The following PLXDC2 variants were observed in gnomAD, a reference collection of about 807,000 sequenced individuals.
PLXDC2 encodes the protein plexin domain containing 2.
Under a neutral mutation model 68.9 loss-of-function variants are expected in PLXDC2, and 40 were observed. That is an observed-to-expected ratio of 0.58 (90% confidence interval 0.45 to 0.76). PLXDC2 has a LOEUF of 0.76. PLXDC2 is among the 30% of genes least tolerant of loss of function. The pLI is 0.00. For missense variants in PLXDC2, 644 were observed against 661.9 expected, an observed-to-expected ratio of 0.97 and a Z score of 0.30; for synonymous variants, 243 against 234.2, an observed-to-expected ratio of 1.04 and a Z score of -0.34.
intron 1 of PLXDC2, among the ~76,000 whole-genome samples, chr10:19,987,268 CTA>C (rs1834657320): frequency 6.6e-6 from 1 of 152,188 alleles, no homozygotes; most frequent in South Asian, 2.1e-4. Flanking sequence ...CTTTAACCAA[CTA>C]CCAAAATTAT....
rs769726717 is a variant in PLXDC2 at position 20,211,677 on chromosome 10, G to C, written c.1070G>C (p.Ser357Thr). ...SWCSKLQRCS[S>T]GFDRHRQDWV... is the part of the protein sequence containing the mutation. ...TGTGGTCTTCTTTGAAGATGTTCCA[G>C]TGGATTTGATCGTCATCGGCAGGAC... Residue 357 changes from serine (S) to threonine (T), a missense_variant, in exon 10 of 14, where the codon AGT becomes ACT. Coordinates refer to ENST00000377252, the MANE Select transcript of PLXDC2 (RefSeq NM_032812.9). 1.4e-5 allele frequency: 23 copies of C among 1,613,032 alleles called. No individual in the cohort carries two copies. Among genetic ancestry groups the C allele is most frequent in the Non-Finnish European group, 1.8e-5 (21 of 1,179,364 alleles).
intron 1 of PLXDC2, among the ~76,000 whole-genome samples, chr10:19,824,086 C>T (rs16919374): frequency 0.48 from 72,188 of 151,928 alleles, 17,301 homozygotes; most frequent in Middle Eastern, 0.51. Flanking sequence ...ATACATTTCA[C>T]GGTGTCTGCT....
chr10:20,254,889 CAT>C (rs2119354104), intron 13 of PLXDC2, among the ~76,000 whole-genome samples: 1 of 152,276 alleles, frequency 6.6e-6, no homozygotes, highest in Non-Finnish European at 1.5e-5. Flanking sequence ...AGCTCAAGTG[CAT>C]GGCAATTGCC....
chr10:19,950,152 A>G (rs1833968398), intron 1 of PLXDC2, among the ~76,000 whole-genome samples: 2 of 152,142 alleles, frequency 1.3e-5, no homozygotes, highest in Admixed American at 6.5e-5. Flanking sequence ...GATATTACTA[A>G]TTGTCCTAGT....
At position 20,028,032 on chromosome 10, in the gene PLXDC2, T is replaced by G. The variant is rs779127550; in HGVS notation, c.325-18837T>G. Reference sequence around the variant, plus strand: ...AATTGACAGAAGTGAAATTCTTACATTTTGATCACTCTTTAAGGATAAATT... The same window carrying G: ...AATTGACAGAAGTGAAATTCTTACAGTTTGATCACTCTTTAAGGATAAATT... On this transcript the variant is annotated intron_variant, in intron 2 of 13. Transcript: ENST00000377252. Among the ~76,000 whole-genome samples the G allele has an allele frequency of 3.1e-4, 47 of 152,236 alleles. 1 individual carries two copies.
At chr10:20,026,819 T>C (rs529580822) in intron 2 of PLXDC2, among the ~76,000 whole-genome samples, 2 of 139,648 alleles carry the variant, frequency 1.4e-5, no homozygotes, top group East Asian at 5.9e-4. Flanking sequence ...CTTTATAATA[T>C]ATTCTAATAT....
intron 1 of PLXDC2, among the ~76,000 whole-genome samples, chr10:19,824,812 G>T (rs1197179524): frequency 6.6e-6 from 1 of 152,124 alleles, no homozygotes; most frequent in Non-Finnish European, 1.5e-5. Context: ...TTTATTGTTT[G>T]GTTTTATTTT....
chr10:19,826,398 C>A lies in PLXDC2; in HGVS notation c.112+9207C>A, dbSNP rs145170973. ...AACAAAAATTGAACTAAGAGACATACCACTGTGTCTTTGCACTTTTTTTCT... is the reference window on the plus strand; with the variant it reads ...AACAAAAATTGAACTAAGAGACATAACACTGTGTCTTTGCACTTTTTTTCT... On this transcript the variant is annotated intron_variant, in intron 1 of 13. Transcript: ENST00000377252. Among the ~76,000 whole-genome samples the A allele has an allele frequency of 4.9e-4, 74 of 152,208 alleles. 1 individual carries two copies. In the East Asian group the frequency reaches 0.014, roughly 29 times the overall value.
At position 20,181,308 on chromosome 10, in the gene PLXDC2, C is replaced by T. The variant is rs181187426; in HGVS notation, c.1061+3899C>T. ...TTAACAATGTATAGAATGCATAACACATGTCAGGCATTGATCTAAACACTG... is the reference window on the plus strand; with the variant it reads ...TTAACAATGTATAGAATGCATAACATATGTCAGGCATTGATCTAAACACTG... On this transcript the variant is annotated intron_variant, in intron 9 of 13. Transcript: ENST00000377252. Among the ~76,000 whole-genome samples the T allele has an allele frequency of 7.3e-4, 111 of 152,136 alleles. 1 individual carries two copies. Among genetic ancestry groups the T allele is most frequent in the Middle Eastern group, 3.4e-3 (1 of 294 alleles).
Position 20,060,067 on chromosome 10 carries a change from C to G in PLXDC2, c.472-8103C>G, listed in dbSNP as rs944359676. Reference sequence around the variant, plus strand: ...ATATTTTTAGAGACATGGTCTTGCTCTGTCACCCAGGCTGGATTGCAGTGG... The same window carrying G: ...ATATTTTTAGAGACATGGTCTTGCTGTGTCACCCAGGCTGGATTGCAGTGG... On this transcript the variant is annotated intron_variant, in intron 3 of 13. Transcript: ENST00000377252. Among the ~76,000 whole-genome samples, 6 of 152,266 alleles carry G rather than the reference C, an allele frequency of 3.9e-5. No homozygotes were observed. The East Asian group carries it at 9.6e-4, about 24-fold the overall frequency.
intron 13 of PLXDC2, among the ~76,000 whole-genome samples, chr10:20,265,446 T>A (rs941334302): frequency 2.0e-5 from 3 of 152,230 alleles, no homozygotes; most frequent in Non-Finnish European, 2.9e-5. Context: ...ATTTTGGAAA[T>A]GTCTGGAACA....
At chr10:20,052,722 C>CAAAAAAAAAAAAAAAAAAA (rs59776582) in intron 3 of PLXDC2, among the ~76,000 whole-genome samples, 1 of 92,814 alleles carries the variant, frequency 1.1e-5, no homozygotes, top group South Asian at 3.5e-4. Flanking sequence ...ACAAATTATG[C>CAAAAAAAAAAAAAAAAAAA]AAAAAAAAAA....
intron 1 of PLXDC2, among the ~76,000 whole-genome samples, chr10:19,957,476 A>G (rs1489267485): frequency 6.6e-6 from 1 of 152,184 alleles, no homozygotes; most frequent in East Asian, 1.9e-4. Context: ...ATTTTACAAA[A>G]ATTAGGTCAA....
At chr10:19,927,562 C>T (rs10827904) in intron 1 of PLXDC2, among the ~76,000 whole-genome samples, 69,251 of 150,916 alleles carry the variant, frequency 0.46, 17,125 homozygotes, top group South Asian at 0.72. Context: ...ATTAGCTGGG[C>T]GTGGTGGCGC....
At chr10:19,838,083 C>G (rs1364948151) in intron 1 of PLXDC2, among the ~76,000 whole-genome samples, 1 of 152,066 alleles carries the variant, frequency 6.6e-6, no homozygotes, top group African/African-American at 2.4e-5. Context: ...ACTGCAGGCT[C>G]CAACTCCTGG....
At chr10:20,264,918 G>C (rs1835851065) in intron 13 of PLXDC2, among the ~76,000 whole-genome samples, 1 of 152,042 alleles carries the variant, frequency 6.6e-6, no homozygotes, top group Non-Finnish European at 1.5e-5. Context: ...GTGTACCTGA[G>C]ATTATTTACC....
At position 19,914,642 on chromosome 10, in the gene PLXDC2, A is replaced by C. The variant is rs147132727; in HGVS notation, c.113-87133A>C. On this transcript the variant is annotated intron_variant, in intron 1 of 13. Coordinates refer to ENST00000377252, the MANE Select transcript of PLXDC2 (RefSeq NM_032812.9). ...AAGATCTTGGTACTTTCATGTAATG[A>C]CCTAATTTATACCTTTGAACAATTC... Among the ~76,000 whole-genome samples, 76 of 152,320 alleles carry C rather than the reference A, an allele frequency of 5.0e-4. 1 individual carries two copies. The East Asian group carries it at 0.013, about 27-fold the overall frequency.
At chr10:20,011,240 G>A (rs1835109309) in intron 2 of PLXDC2, among the ~76,000 whole-genome samples, 2 of 152,162 alleles carry the variant, frequency 1.3e-5, no homozygotes, top group South Asian at 4.1e-4. Flanking sequence ...GGAGCAGGGA[G>A]GTCAGAAGAT....
intron 13 of PLXDC2, among the ~76,000 whole-genome samples, chr10:20,276,343 G>A (rs1362849089): frequency 6.6e-6 from 1 of 152,142 alleles, no homozygotes; most frequent in Non-Finnish European, 1.5e-5. Flanking sequence ...GGGTTTGTTT[G>A]TGGATATTTT....
Sources: gnomAD v4.1 joint callset for allele counts (sites outside exome capture counted in the v4.1 genomes callset) on GRCh38, gnomAD v4.1.1 for gene constraint, MANE v1.5 for transcripts, NCBI Gene and HGNC (gene_info 2026-07-23, HGNC 2026-07-21) for gene names.